Variants in WWTR1 observed in about 807,000 individuals in gnomAD.
WWTR1 encodes WW domain-containing transcription regulator protein 1.
Under a neutral mutation model 40.1 loss-of-function variants are expected in WWTR1, and 13 were observed. The ratio of observed to expected loss-of-function variants is 0.32; its 90% CI spans 0.21 to 0.52. WWTR1 has a LOEUF of 0.52. WWTR1 is among the 20% of genes least tolerant of loss of function. The probability of loss-of-function intolerance (pLI) is 0.97; values close to 1 mark genes in which losing one functional copy is unlikely to be tolerated. For synonymous variants in WWTR1, 230 were observed against 210.1 expected, an observed-to-expected ratio of 1.09 and a Z score of -0.82; for missense variants, 436 against 523.1, an observed-to-expected ratio of 0.83 and a Z score of 1.63.
intron 1 of WWTR1, among the ~76,000 whole-genome samples, chr3:149,699,429 G>A (rs976399018): frequency 6.6e-5 from 10 of 152,148 alleles, no homozygotes; most frequent in Admixed American, 5.9e-4. Flanking sequence ...AAGTAGCTGG[G>A]ATTATAGGCA....
chr3:149,572,874 C>T lies in WWTR1; in HGVS notation c.558G>A (p.Gln186=), dbSNP rs1198547576. 1.2e-6 allele frequency: 2 copies of T among 1,613,514 alleles called. No individual in the cohort carries two copies. ...AAGCTTGAGGCTTACCGAGATTTGG[C>T]TGGGATACTGCCATGGACCTCTGAG... ...PVPQRSMAVS[Q]PNLVMNHQHQ... Residue 186 remains glutamine, a synonymous_variant, in exon 3 of 7, where the codon CAG becomes CAA. Transcript: ENST00000360632.
upstream of WWTR1, among the ~76,000 whole-genome samples, chr3:149,705,919 C>T (rs914477165): frequency 2.0e-5 from 3 of 152,076 alleles, no homozygotes; most frequent in Non-Finnish European, 1.5e-5. Flanking sequence ...TGTTGCAGTG[C>T]GGTGGCTCAT....
chr3:149,522,914 A>C (rs1304415890), intron 6 of WWTR1, among the ~76,000 whole-genome samples: 1 of 151,620 alleles, frequency 6.6e-6, no homozygotes, highest in Non-Finnish European at 1.5e-5. Flanking sequence ...ACCCCAAAAA[A>C]ACAGTGCCAG....
At chr3:149,698,409 G>C (rs1394843307) in intron 1 of WWTR1, among the ~76,000 whole-genome samples, 6 of 152,300 alleles carry the variant, frequency 3.9e-5, no homozygotes, top group South Asian at 2.1e-4. Context: ...TAAGTTTCCT[G>C]AGGACTCCCC....
intron 3 of WWTR1, among the ~76,000 whole-genome samples, chr3:149,545,113 A>T (rs1736305638): frequency 6.6e-6 from 1 of 152,172 alleles, no homozygotes; most frequent in Admixed American, 6.5e-5. Flanking sequence ...ATGCCAAAAA[A>T]CCTGAGATGA....
intron 6 of WWTR1, 186 bp downstream of exon 6, chr3:149,525,827 G>A (rs1160830862): frequency 1.3e-5 from 5 of 385,570 alleles, no homozygotes; most frequent in Admixed American, 4.5e-5. Context: ...CCTGGGTGAC[G>A]AGAGCAATCG....
intron 5 of WWTR1, among the ~76,000 whole-genome samples, chr3:149,527,489 G>A (rs1375184217): frequency 1.3e-5 from 2 of 152,138 alleles, no homozygotes; most frequent in East Asian, 3.9e-4. Flanking sequence ...TTGCCATATG[G>A]CATGCTTTTA....
intron 2 of WWTR1, among the ~76,000 whole-genome samples, chr3:149,653,134 C>G (rs1576624377): frequency 6.6e-6 from 1 of 152,260 alleles, no homozygotes; most frequent in Non-Finnish European, 1.5e-5. Context: ...TCACGTTACT[C>G]AAATGAAAGA....
intron 2 of WWTR1, among the ~76,000 whole-genome samples, chr3:149,640,994 T>C (rs78644055): frequency 0.017 from 2,529 of 152,146 alleles, 73 homozygotes; most frequent in African/African-American, 0.058. Context: ...AAAAACCAAA[T>C]TATTTAAACA....
chr3:149,686,495 A>C (rs1387934730), intron 1 of WWTR1, among the ~76,000 whole-genome samples: 1 of 151,998 alleles, frequency 6.6e-6, no homozygotes, highest in African/African-American at 2.4e-5. Flanking sequence ...TAGCCACTGC[A>C]CTCCAGCCTG....
At chr3:149,625,276 G>A (rs1740495119) in intron 2 of WWTR1, among the ~76,000 whole-genome samples, 1 of 150,866 alleles carries the variant, frequency 6.6e-6, no homozygotes, top group Non-Finnish European at 1.5e-5. Flanking sequence ...CGCCCACCAC[G>A]CCCGGCTAAT....
At chr3:149,527,005 C>A (rs1735350109) in intron 5 of WWTR1, among the ~76,000 whole-genome samples, 1 of 152,174 alleles carries the variant, frequency 6.6e-6, no homozygotes, top group South Asian at 2.1e-4. Context: ...AGAGCGTTCC[C>A]ATGTACCCTT....
chr3:149,629,238 A>T (rs886189494), intron 2 of WWTR1, among the ~76,000 whole-genome samples: 4 of 152,266 alleles, frequency 2.6e-5, no homozygotes, highest in African/African-American at 9.6e-5. Context: ...TTGTTTATTT[A>T]AAAAGTTTCA....
At chr3:149,574,150 C>T (rs1350131460) in intron 2 of WWTR1, among the ~76,000 whole-genome samples, 1 of 152,020 alleles carries the variant, frequency 6.6e-6, no homozygotes, top group African/African-American at 2.4e-5. Flanking sequence ...CCCACCTTGG[C>T]CTACTGAGTA....
At chr3:149,644,014 T>C (rs538363610) in intron 2 of WWTR1, among the ~76,000 whole-genome samples, 1 of 152,252 alleles carries the variant, frequency 6.6e-6, no homozygotes, top group East Asian at 1.9e-4. Flanking sequence ...TTTGAATAAT[T>C]ATACACATTC....
chr3:149,598,424 G>T (rs7632485), intron 2 of WWTR1, among the ~76,000 whole-genome samples: 8,095 of 152,220 alleles, frequency 0.053, 569 homozygotes, highest in African/African-American at 0.17. Flanking sequence ...AGACTTGCCT[G>T]AAGCTACATA....
chr3:149,579,158 C>T (rs1738028763), intron 2 of WWTR1, among the ~76,000 whole-genome samples: 1 of 152,120 alleles, frequency 6.6e-6, no homozygotes, highest in African/African-American at 2.4e-5. Context: ...TGTCTTCAAA[C>T]ATAAGTGTTT....
At chr3:149,617,287 T>G (rs1740020704) in intron 2 of WWTR1, among the ~76,000 whole-genome samples, 1 of 152,132 alleles carries the variant, frequency 6.6e-6, no homozygotes, top group South Asian at 2.1e-4. Flanking sequence ...GCAATTGGAT[T>G]GGAGCAGTGT....
chr3:149,596,571 G>A (rs1739012471), intron 2 of WWTR1, among the ~76,000 whole-genome samples: 1 of 152,168 alleles, frequency 6.6e-6, no homozygotes, highest in Non-Finnish European at 1.5e-5. Context: ...GTAGTGCAGT[G>A]GATCTTCTAG....
Sources: gnomAD v4.1 joint callset for allele counts (sites outside exome capture counted in the v4.1 genomes callset) on GRCh38, gnomAD v4.1.1 for gene constraint, MANE v1.5 for transcripts, NCBI Gene and HGNC (gene_info 2026-07-23, HGNC 2026-07-21) for gene names.